The following PAX5 variants were observed in gnomAD, a reference collection of about 807,000 sequenced individuals.
PAX5 encodes the protein paired box protein Pax-5.
In PAX5, 9 loss-of-function variants were observed where a neutral mutation model predicts 43.7. The ratio of observed to expected loss-of-function variants is 0.21; its 90% CI spans 0.12 to 0.36. The LOEUF is 0.36. Among genes scored for constraint, PAX5 ranks in the 10% least tolerant of loss-of-function variants. The probability of loss-of-function intolerance (pLI) is 1.00; values close to 1 mark genes in which losing one functional copy is unlikely to be tolerated. For synonymous variants in PAX5, 228 were observed against 214.3 expected (o/e 1.06, Z -0.56); for missense variants, 383 against 532.7 (o/e 0.72, Z 2.77).
chr9:36,904,172 G>C (rs1828624289), intron 7 of PAX5, among the ~76,000 whole-genome samples: 1 of 152,186 alleles, frequency 6.6e-6, no homozygotes, highest in African/African-American at 2.4e-5. Flanking sequence ...AGAGGGAGTG[G>C]ATGGGAGCAT....
intron 5 of PAX5, among the ~76,000 whole-genome samples, chr9:37,000,732 C>A (rs186361132): frequency 6.6e-6 from 1 of 152,216 alleles, no homozygotes; most frequent in South Asian, 2.1e-4. Flanking sequence ...CATTACCTCC[C>A]GAGGCATCTC....
chr9:36,844,949 C>A (rs1371989515), intron 9 of PAX5, among the ~76,000 whole-genome samples: 1 of 152,232 alleles, frequency 6.6e-6, no homozygotes, highest in Non-Finnish European at 1.5e-5. Context: ...AAATAAATGA[C>A]AGCCACTATC....
chr9:36,918,836 C>T (rs895182260), intron 7 of PAX5, among the ~76,000 whole-genome samples: 1 of 152,136 alleles, frequency 6.6e-6, no homozygotes, highest in Non-Finnish European at 1.5e-5. Flanking sequence ...TGGAAAGAAG[C>T]CATCTCCATA....
chr9:36,973,083 C>T lies in PAX5; in HGVS notation c.605-6359G>A, dbSNP rs11789961. Among the ~76,000 whole-genome samples the T allele has an allele frequency of 7.1e-3, 527 of 74,506 alleles. 3 individuals are homozygous for T. The highest frequency in any genetic ancestry group is 0.011 in the Non-Finnish European group (431 of 38,568). 48.9% of individuals were successfully genotyped at this position (74,506 alleles called of 152,430 possible). A position where few individuals can be genotyped will look rare whatever the true frequency, so the allele number is the denominator to read the frequency against. ...AGGAAAGGAAAGGAACGGAACGGAACGGAAAGGAAAGGAAAGGAAAGGAAA... is the reference window on the plus strand; with the variant it reads ...AGGAAAGGAAAGGAACGGAACGGAATGGAAAGGAAAGGAAAGGAAAGGAAA... On this transcript the variant is annotated intron_variant, in intron 5 of 9. Transcript: ENST00000358127.
intron 4 of PAX5, among the ~76,000 whole-genome samples, chr9:37,005,339 G>T (rs1324898496): frequency 2.0e-5 from 3 of 152,230 alleles, no homozygotes; most frequent in African/African-American, 7.2e-5. Flanking sequence ...CTGATGCCAA[G>T]GTCTGCACCG....
chr9:36,919,789 C>T (rs1395760642), intron 7 of PAX5, among the ~76,000 whole-genome samples: 1 of 138,438 alleles, frequency 7.2e-6, no homozygotes, highest in Non-Finnish European at 1.5e-5. Flanking sequence ...GCAGTGAGCC[C>T]AGATCATGCC....
chr9:37,014,836 C>T (rs1839258231), intron 3 of PAX5, among the ~76,000 whole-genome samples, 161 bp downstream of exon 3: 1 of 152,158 alleles, frequency 6.6e-6, no homozygotes, highest in South Asian at 2.1e-4. Flanking sequence ...AGAAGGGTAA[C>T]AGAGACCGAG....
Position 36,992,397 on chromosome 9 carries a change from G to T in PAX5, c.604+10251C>A, listed in dbSNP as rs374332083. Among the ~76,000 whole-genome samples, 58 of 152,288 alleles carry T rather than the reference G, an allele frequency of 3.8e-4. No individual in the cohort carries two copies. In the South Asian group the frequency reaches 0.012, roughly 31 times the overall value. ...TGGCTGCAGGCTAGTACAGAGCTAA[G>T]CTGGATGGGGAGAATAGGCAGGGTT... On this transcript the variant is annotated intron_variant, in intron 5 of 9. Transcript: ENST00000358127.
intron 5 of PAX5, among the ~76,000 whole-genome samples, chr9:36,968,025 C>A (rs761310823): frequency 6.6e-6 from 1 of 152,182 alleles, no homozygotes; most frequent in South Asian, 2.1e-4. Flanking sequence ...AAATGTTTCC[C>A]GTGAGGAAAT....
intron 6 of PAX5, among the ~76,000 whole-genome samples, chr9:36,931,709 C>T (rs1257882614): frequency 6.6e-6 from 1 of 151,786 alleles, no homozygotes; most frequent in Non-Finnish European, 1.5e-5. Context: ...ATCAGCCAGC[C>T]GTGGTGGCAT....
chr9:37,032,568 T>G (rs1433141357), intron 1 of PAX5, among the ~76,000 whole-genome samples: 2 of 152,194 alleles, frequency 1.3e-5, no homozygotes, highest in Non-Finnish European at 2.9e-5. Flanking sequence ...GGAAACACAG[T>G]TATGCCCCAG....
At chr9:36,947,581 T>G (rs899582833) in intron 6 of PAX5, among the ~76,000 whole-genome samples, 6 of 152,124 alleles carry the variant, frequency 3.9e-5, no homozygotes, top group African/African-American at 1.4e-4. Context: ...TCTTGCTCTG[T>G]TTCCCAGGCT....
intron 5 of PAX5, among the ~76,000 whole-genome samples, chr9:36,975,388 T>C (rs573174190): frequency 7.6e-4 from 114 of 150,458 alleles, no homozygotes; most frequent in African/African-American, 2.7e-3. Flanking sequence ...AGCAATTTCT[T>C]TTTTTTTTGT....
rs368075198 is a variant in PAX5, at chr9:36,996,383, T to C, written c.604+6265A>G. ...GGTGCAGAGAGATTAAGTAACTCGCTACAAGAAGTCCTCAAACCATTTCAT... is the reference window on the plus strand; with the variant it reads ...GGTGCAGAGAGATTAAGTAACTCGCCACAAGAAGTCCTCAAACCATTTCAT... On this transcript the variant is annotated intron_variant, in intron 5 of 9. Transcript: ENST00000358127. 5.9e-5 allele frequency among the ~76,000 whole-genome samples: 9 copies of C among 152,380 alleles called. 1 individual carries two copies. Among genetic ancestry groups the C allele is most frequent in the Non-Finnish European group, 1.2e-4 (8 of 68,030 alleles).
chr9:37,031,300 TC>T (rs977366817), intron 1 of PAX5, among the ~76,000 whole-genome samples: 2 of 152,178 alleles, frequency 1.3e-5, no homozygotes, highest in African/African-American at 4.8e-5. Context: ...AGCCTCTGCT[TC>T]CCCGTTTGTT....
In PAX5 at chr9:36,834,884, C is replaced by T. The variant is rs61736696; in HGVS notation, c.*5676G>A. The T allele has an allele frequency of 5.6e-3, 1,300 of 231,904 alleles. 12 individuals are homozygous for T. Among genetic ancestry groups the T allele is most frequent in the African/African-American group, 0.026 (1,191 of 45,330 alleles). The allele number at this position is 231,904 out of a possible 1,614,324, so 14.4% of individuals were successfully genotyped here. On this transcript the variant is annotated 3_prime_UTR_variant, in exon 10 of 10. Coordinates refer to ENST00000358127, the MANE Select transcript of PAX5 (RefSeq NM_016734.3). Reference sequence around the variant, plus strand: ...GTCAGGGCAGGTGAGGCTGGTGTGGCCTCCTCCTGCCAGGCCTCAGAGTCG... The same window carrying T: ...GTCAGGGCAGGTGAGGCTGGTGTGGTCTCCTCCTGCCAGGCCTCAGAGTCG...
At chr9:36,923,915 T>G (rs183223786) in intron 6 of PAX5, among the ~76,000 whole-genome samples, 1 of 152,262 alleles carries the variant, frequency 6.6e-6, no homozygotes, top group African/African-American at 2.4e-5. Flanking sequence ...ACCACAAAGG[T>G]AGAATCACAG....
At chr9:37,002,799 T>C in intron 4 of PAX5, 23 bp from the exon 5 acceptor site, 3 of 1,598,862 alleles carry the variant, frequency 1.9e-6, no homozygotes, top group Non-Finnish European at 2.6e-6. Flanking sequence ...AGACGGGCGG[T>C]CAGGGCCGCA....
At chr9:36,981,197 T>G (rs13440311) in intron 5 of PAX5, among the ~76,000 whole-genome samples, 4 of 70,884 alleles carry the variant, frequency 5.6e-5, no homozygotes, top group Admixed American at 1.4e-4. Context: ...CCCCCCCCCC[T>G]CAGCCCTGCT....
Sources: allele counts gnomAD v4.1 joint callset (sites outside exome capture counted in the v4.1 genomes callset), GRCh38; gene constraint gnomAD v4.1.1; transcripts MANE v1.5; gene names NCBI Gene and HGNC (gene_info 2026-07-23, HGNC 2026-07-21).